Variants in PTPRO observed in about 807,000 individuals in gnomAD.
PTPRO encodes the protein protein tyrosine phosphatase receptor type O, also known as receptor-type tyrosine-protein phosphatase O.
PTPRO carries 62 observed loss-of-function variants against 145.2 expected under a neutral mutation model. That is an observed-to-expected ratio of 0.43 (90% CI 0.35 to 0.53). PTPRO has a LOEUF of 0.53. Among genes scored for constraint, PTPRO ranks in the 20% least tolerant of loss-of-function variants. The probability of loss-of-function intolerance (pLI) is 0.01; values close to 1 mark genes in which losing one functional copy is unlikely to be tolerated. For synonymous variants in PTPRO, 565 were observed against 514.7 expected (o/e 1.10, Z -1.32); for missense variants, 1,345 against 1,482.7 (o/e 0.91, Z 1.53).
Position 15,594,954 on chromosome 12 carries a change from C to A in PTPRO, c.3564C>A (p.Ile1188=). 1.2e-6 allele frequency: 2 copies of A among 1,612,684 alleles called. No individual in the cohort carries two copies. The highest frequency in any genetic ancestry group is 1.7e-6 in the Non-Finnish European group (2 of 1,178,872). The change falls in exon 26 of 27, where the codon ATC becomes ATA. Residue 1188 remains isoleucine, a synonymous_variant. Transcript: ENST00000281171. ...TGTTCCAGGAGCAGTACATTTTTATCCATCAGTGTGTGCAACTGATGTGGA... is the reference window on the plus strand; with the variant it reads ...TGTTCCAGGAGCAGTACATTTTTATACATCAGTGTGTGCAACTGATGTGGA... The part of the protein sequence containing the change: ...MVQTEEQYIF[I]HQCVQLMWMK...
chr12:15,592,752 A>C (rs575832378), intron 25 of PTPRO, among the ~76,000 whole-genome samples: 1 of 152,246 alleles, frequency 6.6e-6, no homozygotes, highest in African/African-American at 2.4e-5. Flanking sequence ...TAAAGCAGAC[A>C]TGATGGGAAA....
chr12:15,408,091 T>C (rs563356506), intron 1 of PTPRO, among the ~76,000 whole-genome samples: 1 of 152,312 alleles, frequency 6.6e-6, no homozygotes, highest in South Asian at 2.1e-4. Flanking sequence ...AAAGAATGTA[T>C]ATTTTATATC....
rs945241920 is a variant in PTPRO, at chr12:15,458,380, T to C, written c.76-25594T>C. Among the ~76,000 whole-genome samples the C allele has an allele frequency of 1.3e-5, 2 of 152,120 alleles. 1 individual carries two copies. Among genetic ancestry groups the C allele is most frequent in the African/African-American group, 4.8e-5 (2 of 41,434 alleles). On this transcript the variant is annotated intron_variant, in intron 1 of 26. Coordinates refer to ENST00000281171, the MANE Select transcript of PTPRO (RefSeq NM_030667.3). ...TTTGGAGCTCTTAGGCTTCCTTTTTTCCTCCAGATTTGGGTAATTTCCAAC... is the reference window on the plus strand; with the variant it reads ...TTTGGAGCTCTTAGGCTTCCTTTTTCCCTCCAGATTTGGGTAATTTCCAAC...
intron 1 of PTPRO, among the ~76,000 whole-genome samples, chr12:15,471,449 G>A (rs1369971856): frequency 6.6e-6 from 1 of 152,082 alleles, no homozygotes; most frequent in Non-Finnish European, 1.5e-5. Context: ...CTATCTGAAA[G>A]GATACATTTA....
intron 1 of PTPRO, among the ~76,000 whole-genome samples, chr12:15,468,702 C>T (rs1469792891): frequency 1.3e-5 from 2 of 152,176 alleles, no homozygotes; most frequent in African/African-American, 4.8e-5. Context: ...ACCACTAGAA[C>T]AGAAACCAGA....
chr12:15,403,398 C>T (rs973009454), intron 1 of PTPRO, among the ~76,000 whole-genome samples: 2 of 152,082 alleles, frequency 1.3e-5, no homozygotes, highest in Admixed American at 6.5e-5. Context: ...GCCTGGCCAA[C>T]ATGGTGAAAC....
intron 12 of PTPRO, among the ~76,000 whole-genome samples, chr12:15,532,618 C>T (rs966742117): frequency 2.6e-5 from 4 of 152,180 alleles, no homozygotes; most frequent in Non-Finnish European, 5.9e-5. Context: ...TTGTCTCTTA[C>T]CTTTCCTGCA....
At chr12:15,533,367 G>A (rs937682280) in intron 12 of PTPRO, among the ~76,000 whole-genome samples, 7 of 152,036 alleles carry the variant, frequency 4.6e-5, no homozygotes, top group African/African-American at 9.7e-5. Context: ...TTTTTATGAT[G>A]TGCCTTTCTT....
chr12:15,364,270 C>T (rs374426450), intron 1 of PTPRO, among the ~76,000 whole-genome samples: 57 of 152,198 alleles, frequency 3.7e-4, no homozygotes, highest in African/African-American at 1.3e-3. Context: ...AACTTCTAAA[C>T]ACATGTAAAG....
At chr12:15,515,116 C>T (rs1171637059) in intron 7 of PTPRO, among the ~76,000 whole-genome samples, 2 of 152,122 alleles carry the variant, frequency 1.3e-5, no homozygotes, top group East Asian at 3.9e-4. Flanking sequence ...TGACAAGAGA[C>T]TAAAGACATT....
intron 1 of PTPRO, among the ~76,000 whole-genome samples, chr12:15,333,270 C>CT (rs1866663656): frequency 6.6e-6 from 1 of 152,182 alleles, no homozygotes; most frequent in African/African-American, 2.4e-5. Flanking sequence ...CCCTATCACT[C>CT]TAATATTTTA....
chr12:15,537,215 G>C (rs999112209), intron 12 of PTPRO, among the ~76,000 whole-genome samples: 2 of 152,142 alleles, frequency 1.3e-5, no homozygotes, highest in African/African-American at 4.8e-5. Flanking sequence ...AGATAAAGGA[G>C]CTTGGATTCA....
intron 1 of PTPRO, among the ~76,000 whole-genome samples, chr12:15,387,429 A>G (rs1052675136): frequency 6.6e-6 from 1 of 152,208 alleles, no homozygotes; most frequent in Admixed American, 6.5e-5. Flanking sequence ...CCAGACAATC[A>G]GTTGTTCAAG....
chr12:15,450,034 C>T (rs1941004612), intron 1 of PTPRO, among the ~76,000 whole-genome samples: 1 of 152,158 alleles, frequency 6.6e-6, no homozygotes, highest in South Asian at 2.1e-4. Flanking sequence ...TACAATATTG[C>T]TTTTTCAGTT....
chr12:15,507,711 C>T (rs1471736651), intron 6 of PTPRO, among the ~76,000 whole-genome samples: 2 of 152,164 alleles, frequency 1.3e-5, no homozygotes, highest in Non-Finnish European at 2.9e-5. Context: ...ATTATCATTT[C>T]CCTTGCACCA....
At chr12:15,351,820 G>T (rs1258513861) in intron 1 of PTPRO, among the ~76,000 whole-genome samples, 3 of 152,112 alleles carry the variant, frequency 2.0e-5, no homozygotes, top group Non-Finnish European at 4.4e-5. Context: ...TCACTCTAGA[G>T]ATTTTCTCTG....
intron 1 of PTPRO, among the ~76,000 whole-genome samples, chr12:15,392,526 G>A (rs915354655): frequency 6.6e-6 from 1 of 151,966 alleles, no homozygotes; most frequent in African/African-American, 2.4e-5. Flanking sequence ...TTCGAGACCA[G>A]ACTGACCAAT....
chr12:15,507,897 T>C (rs1445661314), intron 6 of PTPRO, among the ~76,000 whole-genome samples: 1 of 152,232 alleles, frequency 6.6e-6, no homozygotes, highest in Non-Finnish European at 1.5e-5. Context: ...AATAATCACC[T>C]TAACATGTCT....
In PTPRO at chr12:15,499,356, G is replaced by A. The variant is rs958996758; in HGVS notation, c.509-86G>A. ...TTGAAGGAAATATTATTTTGTGAAT[G>A]TTTAGCCATAATTGTTTCAAACTTT... On this transcript the variant is annotated intron_variant, in intron 3 of 26. Coordinates refer to ENST00000281171, the MANE Select transcript of PTPRO (RefSeq NM_030667.3). 51 of 1,314,706 alleles carry A rather than the reference G, an allele frequency of 3.9e-5. No individual in the cohort carries two copies. The African/African-American group carries it at 7.1e-4, about 18-fold the overall frequency. The allele number at this position is 1,314,706 out of a possible 1,614,324, so 81.4% of individuals were successfully genotyped here.
Sources: allele counts gnomAD v4.1 joint callset (sites outside exome capture counted in the v4.1 genomes callset), GRCh38; gene constraint gnomAD v4.1.1; transcripts MANE v1.5; gene names NCBI Gene and HGNC (gene_info 2026-07-23, HGNC 2026-07-21).